The following ST6GAL1 variants were observed in gnomAD, a reference collection of about 807,000 sequenced individuals.
ST6GAL1 encodes the protein beta-galactoside alpha-2,6-sialyltransferase 1.
A neutral mutation model predicts 38.0 loss-of-function variants in ST6GAL1; 20 were observed. The observed-to-expected ratio is 0.53, with a 90% CI of 0.37 to 0.77. The LOEUF (loss-of-function observed/expected upper bound fraction) is 0.77. ST6GAL1 is among the 30% of genes least tolerant of loss of function. The probability of loss-of-function intolerance (pLI) is 0.00; values close to 1 mark genes in which losing one functional copy is unlikely to be tolerated. For missense variants in ST6GAL1, 432 were observed against 496.4 expected, an observed-to-expected ratio of 0.87 and a Z score of 1.23; for synonymous variants, 196 against 188.2, an observed-to-expected ratio of 1.04 and a Z score of -0.34.
At chr3:187,001,533 T>C (rs1391016659) in intron 2 of ST6GAL1, among the ~76,000 whole-genome samples, 1 of 152,214 alleles carries the variant, frequency 6.6e-6, no homozygotes, top group African/African-American at 2.4e-5. Flanking sequence ...ATGGCTGACC[T>C]TTCTGGACTT....
intron 1 of ST6GAL1, among the ~76,000 whole-genome samples, chr3:186,937,394 GA>G (rs1410674240): frequency 1.3e-5 from 2 of 152,174 alleles, no homozygotes; most frequent in Admixed American, 6.5e-5. Context: ...TACAGGTACT[GA>G]CAGTACAGTG....
At chr3:187,064,494 A>G in intron 5 of ST6GAL1, 1 of 455,546 alleles carries the variant, frequency 2.2e-6, no homozygotes, top group Non-Finnish European at 4.4e-6. Flanking sequence ...CTACTGAAGC[A>G]GATTTTTTTC....
intron 1 of ST6GAL1, among the ~76,000 whole-genome samples, chr3:186,948,312 C>T (rs1012396757): frequency 6.6e-6 from 1 of 152,184 alleles, no homozygotes; most frequent in Non-Finnish European, 1.5e-5. Flanking sequence ...ACTTCGGTGG[C>T]CAGCTTTATT....
chr3:187,076,035 T>C lies in ST6GAL1; in HGVS notation c.*232T>C, dbSNP rs1051189863. Reference sequence around the variant, plus strand: ...GCCTCCTGCCACACACATGCACACATATCTAGCATTCTTTCCAGACAGCAT... The same window carrying C: ...GCCTCCTGCCACACACATGCACACACATCTAGCATTCTTTCCAGACAGCAT... On this transcript the variant is annotated 3_prime_UTR_variant, in exon 8 of 8. Transcript: ENST00000169298. The C allele has an allele frequency of 7.3e-6, 4 of 547,296 alleles. No individual in the cohort carries two copies. The highest frequency in any genetic ancestry group is 3.3e-5 in the Admixed American group (1 of 29,998). The allele number at this position is 547,296 out of a possible 1,614,324, so 33.9% of individuals were successfully genotyped here.
chr3:187,056,715 C>A (rs1718714297), intron 5 of ST6GAL1, among the ~76,000 whole-genome samples: 1 of 152,168 alleles, frequency 6.6e-6, no homozygotes, highest in Non-Finnish European at 1.5e-5. Context: ...CCTGATGTTT[C>A]TCTCTGGCTG....
intron 5 of ST6GAL1, among the ~76,000 whole-genome samples, chr3:187,054,085 A>T (rs1435190235): frequency 1.3e-5 from 2 of 152,078 alleles, no homozygotes; most frequent in African/African-American, 2.4e-5. Flanking sequence ...TTCACTCATG[A>T]TTTGGCTCTC....
intron 2 of ST6GAL1, chr3:186,996,522 A>C (rs12152452): frequency 6.6e-6 from 1 of 152,306 alleles, no homozygotes; most frequent in Middle Eastern, 3.4e-3. Flanking sequence ...CTGTGCAAAT[A>C]GCGGAGGGTT....
chr3:187,001,828 C>T (rs546460639), intron 2 of ST6GAL1, among the ~76,000 whole-genome samples: 36 of 151,886 alleles, frequency 2.4e-4, no homozygotes, highest in Middle Eastern at 3.4e-3. Flanking sequence ...TGGTGGCGCG[C>T]GCCTGTAATC....
At chr3:186,933,123 C>G (rs570674746) in intron 1 of ST6GAL1, among the ~76,000 whole-genome samples, 1 of 152,326 alleles carries the variant, frequency 6.6e-6, no homozygotes, top group East Asian at 1.9e-4. Context: ...TAATTGATTC[C>G]TACATTTCGC....
chr3:187,001,309 T>A (rs1414969586), intron 2 of ST6GAL1, among the ~76,000 whole-genome samples: 1 of 152,258 alleles, frequency 6.6e-6, no homozygotes. Flanking sequence ...GATGTGTGAC[T>A]TTGGACAAAT....
At chr3:186,994,904 GCA>G (rs1048221152) in intron 2 of ST6GAL1, among the ~76,000 whole-genome samples, 6 of 151,204 alleles carry the variant, frequency 4.0e-5, no homozygotes, top group South Asian at 2.1e-4. Context: ...TCACGCCACT[GCA>G]CACTCCAGCC....
intron 2 of ST6GAL1, among the ~76,000 whole-genome samples, chr3:187,009,946 G>A (rs1446315026): frequency 1.3e-5 from 2 of 151,448 alleles, no homozygotes; most frequent in Non-Finnish European, 2.9e-5. Context: ...CGGAGGTTGC[G>A]GTGAGCCGAG....
At chr3:187,051,447 G>C (rs1718510843) in intron 5 of ST6GAL1, 101 bp downstream of exon 5, 1 of 1,053,476 alleles carries the variant, frequency 9.5e-7, no homozygotes, top group African/African-American at 1.6e-5. Context: ...TGCCAATTAA[G>C]TCTCTTGATC....
chr3:187,037,837 A>C (rs1310964846), intron 2 of ST6GAL1, among the ~76,000 whole-genome samples: 3 of 142,364 alleles, frequency 2.1e-5, no homozygotes, highest in African/African-American at 8.3e-5. Context: ...AATATATGTA[A>C]AATTATAAAA....
intron 1 of ST6GAL1, among the ~76,000 whole-genome samples, chr3:186,959,657 G>C (rs1714869707): frequency 6.6e-6 from 1 of 152,202 alleles, no homozygotes; most frequent in Admixed American, 6.5e-5. Flanking sequence ...GGAAGAGGGG[G>C]ACAGAAATAA....
intron 5 of ST6GAL1, among the ~76,000 whole-genome samples, chr3:187,056,134 C>T (rs1560178890): frequency 6.6e-6 from 1 of 151,838 alleles, no homozygotes; most frequent in African/African-American, 2.4e-5. Context: ...GCAACCCCTG[C>T]TTTTTTTTGC....
chr3:187,048,172 T>C (rs1442396571), intron 4 of ST6GAL1, among the ~76,000 whole-genome samples: 1 of 152,170 alleles, frequency 6.6e-6, no homozygotes, highest in Non-Finnish European at 1.5e-5. Context: ...CTCGATCTCC[T>C]GACCTCGTGA....
rs570753772 is a variant in ST6GAL1 at position 187,031,655 on chromosome 3, G to A, written c.-182-7087G>A. 2.6e-5 allele frequency among the ~76,000 whole-genome samples: 4 copies of A among 152,166 alleles called. No individual in the cohort carries two copies. The East Asian group carries it at 7.7e-4, about 29-fold the overall frequency. Reference sequence around the variant, plus strand: ...TCACCATGTTGGTCAGGCTGGTCACGGGCTTCTGACTTCAAGTCATCCACC... The same window carrying A: ...TCACCATGTTGGTCAGGCTGGTCACAGGCTTCTGACTTCAAGTCATCCACC... On this transcript the variant is annotated intron_variant, in intron 2 of 7. Coordinates refer to ENST00000169298, the MANE Select transcript of ST6GAL1 (RefSeq NM_173216.2).
At position 187,009,937 on chromosome 3, in the gene ST6GAL1, G is replaced by A. The variant is rs188787720; in HGVS notation, c.-182-28805G>A. On this transcript the variant is annotated intron_variant, in intron 2 of 7. Coordinates refer to ENST00000169298, the MANE Select transcript of ST6GAL1 (RefSeq NM_173216.2). ...GGAGAATCGCTTGAACCCGGGAGTC[G>A]GAGGTTGCGGTGAGCCGAGATCACG... 3.0e-3 allele frequency among the ~76,000 whole-genome samples: 461 copies of A among 151,990 alleles called. 3 individuals are homozygous for A. The highest frequency in any genetic ancestry group is 0.01 in the African/African-American group (426 of 41,452).
Sources: allele counts gnomAD v4.1 joint callset (sites outside exome capture counted in the v4.1 genomes callset), GRCh38; gene constraint gnomAD v4.1.1; transcripts MANE v1.5; gene names NCBI Gene and HGNC (gene_info 2026-07-23, HGNC 2026-07-21).